Variants in TRIM59 observed in about 807,000 individuals in gnomAD.
The protein encoded by TRIM59 is tripartite motif-containing protein 59.
A neutral mutation model predicts 32.2 loss-of-function variants in TRIM59; 14 were observed. That is an observed-to-expected ratio of 0.43 (90% CI 0.29 to 0.68). TRIM59 has a LOEUF of 0.68. Among genes scored for constraint, TRIM59 ranks in the 30% least tolerant of loss-of-function variants. The pLI, the probability that TRIM59 is intolerant of heterozygous loss-of-function variation, is 0.15. For missense variants in TRIM59, 471 were observed against 463.3 expected (o/e 1.02, Z -0.15); for synonymous variants, 163 against 155.1 (o/e 1.05, Z -0.38).
chr3:160,441,109 G>C (rs1719215960), intron 2 of TRIM59, among the ~76,000 whole-genome samples: 1 of 152,126 alleles, frequency 6.6e-6, no homozygotes, highest in Non-Finnish European at 1.5e-5. Context: ...GGCTCAACTT[G>C]AGCCTGCCTT....
chr3:160,447,753 T>TC (rs1719608924), intron 2 of TRIM59: 1 of 152,248 alleles, frequency 6.6e-6, no homozygotes, highest in Admixed American at 6.5e-5. Flanking sequence ...CGATGACTTG[T>TC]CCCAAGACTT....
chr3:160,437,451 C>G lies in TRIM59; in HGVS notation c.*521G>C, dbSNP rs1484608400. 49 of 985,326 alleles carry G rather than the reference C, an allele frequency of 5.0e-5. No homozygotes were observed. Among genetic ancestry groups the G allele is most frequent in the Non-Finnish European group, 5.8e-5 (48 of 829,848 alleles). The allele number at this position is 985,326 out of a possible 1,614,324, so 61.0% of individuals were successfully genotyped here. On this transcript the variant is annotated 3_prime_UTR_variant, in exon 3 of 3. Coordinates refer to ENST00000309784, the MANE Select transcript of TRIM59 (RefSeq NM_173084.3). ...TGATAAGCATTTAGGGCTCTTAAAT[C>G]TATCTCAAACACAGGTATGTTTGAT...
intron 2 of TRIM59, among the ~76,000 whole-genome samples, chr3:160,448,210 T>G (rs868299229): frequency 2.9e-4 from 44 of 152,328 alleles, no homozygotes; most frequent in Middle Eastern, 3.4e-3. Flanking sequence ...ATTAAGGCTT[T>G]AATTGCTTTT....
intron 2 of TRIM59, among the ~76,000 whole-genome samples, chr3:160,443,566 G>A (rs1015384638): frequency 2.0e-5 from 3 of 152,178 alleles, no homozygotes; most frequent in African/African-American, 7.2e-5. Context: ...CAGCATAATG[G>A]CGAAATGAAG....
At chr3:160,444,267 C>T (rs1277033957) in intron 2 of TRIM59, among the ~76,000 whole-genome samples, 2 of 151,468 alleles carry the variant, frequency 1.3e-5, no homozygotes, top group Admixed American at 6.6e-5. Flanking sequence ...AAGAAAATAC[C>T]AAAAGAAATG....
intron 2 of TRIM59, among the ~76,000 whole-genome samples, chr3:160,447,098 T>TA (rs1442685446): frequency 6.6e-6 from 1 of 152,028 alleles, no homozygotes; most frequent in Non-Finnish European, 1.5e-5. Context: ...ACTGCATACT[T>TA]AAAAAGATTA....
chr3:160,449,252 C>G (rs7611148), intron 1 of TRIM59, among the ~76,000 whole-genome samples: 5,385 of 152,290 alleles, frequency 0.035, 335 homozygotes, highest in African/African-American at 0.12. Context: ...AAATACCTCT[C>G]AAAAGTGAGG....
intron 2 of TRIM59, among the ~76,000 whole-genome samples, chr3:160,441,452 A>G (rs1292490197): frequency 6.6e-6 from 1 of 152,134 alleles, no homozygotes; most frequent in East Asian, 1.9e-4. Context: ...ACGAAAATCT[A>G]TCAGAAAATA....
chr3:160,449,438 G>A (rs989207094), intron 1 of TRIM59: 35 of 1,157,736 alleles, frequency 3.0e-5, no homozygotes, highest in Non-Finnish European at 3.6e-5. Flanking sequence ...AACCCCGCGG[G>A]ACTGACCGAC....
chr3:160,435,515 A>G lies in TRIM59; in HGVS notation c.*2457T>C, dbSNP rs183890816. The stretch of plus-strand genomic sequence containing the variant: ...AAGACAGTGCAAATAAAATATCAAA[A>G]GAAGTTTATTAAAATACATATTTTG... On this transcript the variant is annotated 3_prime_UTR_variant, in exon 3 of 3. Transcript: ENST00000309784. 2 of 171,616 alleles carry G rather than the reference A, an allele frequency of 1.2e-5. No homozygotes were observed. Among genetic ancestry groups the G allele is most frequent in the African/African-American group, 2.4e-5 (1 of 41,784 alleles). The allele number at this position is 171,616 out of a possible 1,614,324, so 10.6% of individuals were successfully genotyped here.
chr3:160,443,700 C>T (rs957797078), intron 2 of TRIM59, among the ~76,000 whole-genome samples: 23 of 151,892 alleles, frequency 1.5e-4, no homozygotes, highest in African/African-American at 4.8e-4. Context: ...GTGCAGTGGC[C>T]GCTATCTCCT....
intron 2 of TRIM59, among the ~76,000 whole-genome samples, chr3:160,445,234 G>A (rs1719462479): frequency 6.6e-6 from 1 of 151,992 alleles, no homozygotes; most frequent in Non-Finnish European, 1.5e-5. Context: ...TGGCAACACA[G>A]TGAAACCCCA....
chr3:160,439,120 C>A lies in TRIM59; in HGVS notation c.64G>T (p.Val22Leu). The A allele has an allele frequency of 6.6e-7, 1 of 1,516,976 alleles. No individual in the cohort carries two copies. Among genetic ancestry groups the A allele is most frequent in the Non-Finnish European group, 8.8e-7 (1 of 1,133,928 alleles). The allele number at this position is 1,516,976 out of a possible 1,614,324, so 94.0% of individuals were successfully genotyped here. A position where few individuals can be genotyped will look rare whatever the true frequency, so the allele number is the denominator to read the frequency against. Residue 22 changes from valine (V) to leucine (L), a missense_variant, in exon 3 of 3, where the codon GTA (valine) becomes TTA (leucine). Coordinates refer to ENST00000309784, the MANE Select transcript of TRIM59 (RefSeq NM_173084.3). ...ICYSIFEDPRVLPCSHTFCRN... is the reference protein window; with the variant it reads ...ICYSIFEDPRLLPCSHTFCRN... ...CAAAATGTATGAGAGCATGGCAGTA[C>A]ACGAGGATCTTCAAAAATACTATAA...
Position 160,437,733 on chromosome 3 carries a change from T to C in TRIM59, c.*239A>G. ...ATTATGTCAACCATCATAAAGCCAA[T>C]AAAAATGGGATAGTGTATTACTTTT... is the stretch of plus-strand genomic sequence containing the variant. On this transcript the variant is annotated 3_prime_UTR_variant, in exon 3 of 3. Coordinates refer to ENST00000309784, the MANE Select transcript of TRIM59 (RefSeq NM_173084.3). The C allele has an allele frequency of 8.7e-7, 1 of 1,152,410 alleles. No individual in the cohort carries two copies. The highest frequency in any genetic ancestry group is 1.1e-6 in the Non-Finnish European group (1 of 938,934). The allele number at this position is 1,152,410 out of a possible 1,614,324, so 71.4% of individuals were successfully genotyped here. A position where few individuals can be genotyped will look rare whatever the true frequency, so the allele number is the denominator to read the frequency against.
In TRIM59 at chr3:160,449,745, C is replaced by A; in HGVS notation, c.-102G>T. On this transcript the variant is annotated 5_prime_UTR_variant, in exon 1 of 3. Transcript: ENST00000309784. ...GGGGAGGAAGCGGACCAGGCAACTC[C>A]ACAGCACGGAAACACAGCGCCACGA... 1 of 1,289,482 alleles carries A rather than the reference C, an allele frequency of 7.8e-7. No individual in the cohort carries two copies. Among genetic ancestry groups the A allele is most frequent in the Non-Finnish European group, 1.0e-6 (1 of 988,552 alleles). The allele number at this position is 1,289,482 out of a possible 1,614,324, so 79.9% of individuals were successfully genotyped here. A position where few individuals can be genotyped will look rare whatever the true frequency, so the allele number is the denominator to read the frequency against.
Position 160,436,229 on chromosome 3 carries a change from G to GA in TRIM59, c.*1742dup. On this transcript the variant is annotated 3_prime_UTR_variant, in exon 3 of 3. Transcript: ENST00000309784. ...GTAAGAGTTTTAGAACTAGTTCCCT[G>GA]AAAAAGCTGTATTTATGATAGTTTA... 6 of 994,184 alleles carry GA rather than the reference G, an allele frequency of 6.0e-6. No homozygotes were observed. Among genetic ancestry groups the GA allele is most frequent in the Non-Finnish European group, 7.2e-6 (6 of 835,270 alleles). The allele number at this position is 994,184 out of a possible 1,614,324, so 61.6% of individuals were successfully genotyped here.
chr3:160,441,040 A>G (rs1257448257), intron 2 of TRIM59, among the ~76,000 whole-genome samples: 1 of 152,258 alleles, frequency 6.6e-6, no homozygotes, highest in Non-Finnish European at 1.5e-5. Context: ...CATTTTTAAT[A>G]AAATGCAAAC....
At chr3:160,439,252 G>C in intron 2 of TRIM59, 66 bp from the exon 3 acceptor site, 1 of 1,302,888 alleles carries the variant, frequency 7.7e-7, no homozygotes, top group African/African-American at 1.5e-5. Flanking sequence ...TAACATTCTA[G>C]GCATTAACCT....
Position 160,449,770 on chromosome 3 carries a change from A to G in TRIM59, c.-127T>C. 7.8e-7 allele frequency: 1 copy of G among 1,279,068 alleles called. No individual in the cohort carries two copies. 79.2% of individuals were successfully genotyped at this position (1,279,068 alleles called of 1,614,324 possible). A position where few individuals can be genotyped will look rare whatever the true frequency, so the allele number is the denominator to read the frequency against. The stretch of plus-strand genomic sequence containing the variant: ...CACAGCACGGAAACACAGCGCCACG[A>G]GCTCCAGGCGGATGCTGAGAGCCGC... On this transcript the variant is annotated 5_prime_UTR_variant, in exon 1 of 3. Coordinates refer to ENST00000309784, the MANE Select transcript of TRIM59 (RefSeq NM_173084.3).
Sources: allele counts gnomAD v4.1 joint callset (sites outside exome capture counted in the v4.1 genomes callset), GRCh38; gene constraint gnomAD v4.1.1; transcripts MANE v1.5; gene names NCBI Gene and HGNC (gene_info 2026-07-23, HGNC 2026-07-21).